Variants in SLC41A3 observed in about 807,000 individuals in gnomAD.
SLC41A3 encodes the protein solute carrier family 41 member 3.
In SLC41A3, 44 loss-of-function variants were observed where a neutral mutation model predicts 45.4. That is an observed-to-expected ratio of 0.97 (90% CI 0.76 to 1.25). SLC41A3 has a LOEUF of 1.25. SLC41A3 is among the 50% of genes most tolerant of loss of function. The pLI, the probability that SLC41A3 is intolerant of heterozygous loss-of-function variation, is 0.00. For synonymous variants in SLC41A3, 256 were observed against 252.4 expected (o/e 1.01, Z -0.13); for missense variants, 550 against 600.6 (o/e 0.92, Z 0.88).
At chr3:126,034,545 C>A (rs1203338029) in intron 3 of SLC41A3, among the ~76,000 whole-genome samples, 1 of 152,250 alleles carries the variant, frequency 6.6e-6, no homozygotes, top group African/African-American at 2.4e-5. Context: ...CGGCACCTGA[C>A]TGTGGTTAGG....
intron 2 of SLC41A3, chr3:126,056,228 G>T: frequency 8.4e-7 from 1 of 1,196,856 alleles, no homozygotes; most frequent in Non-Finnish European, 1.2e-6. Flanking sequence ...CGCCCAAGCA[G>T]CAAGGGCAGG....
chr3:126,006,373 C>G lies in SLC41A3; in HGVS notation c.*643G>C. 6.3e-7 allele frequency: 1 copy of G among 1,588,028 alleles called. No individual in the cohort carries two copies. Among genetic ancestry groups the G allele is most frequent in the South Asian group, 1.1e-5 (1 of 88,204 alleles). On this transcript the variant is annotated 3_prime_UTR_variant, in exon 11 of 11. Coordinates refer to ENST00000360370, the MANE Select transcript of SLC41A3 (RefSeq NM_017836.4). ...CATAAAGGGTCAAGTACAATATAAT[C>G]TGTTTTATTTTACACTTCTCTGATT... is the stretch of plus-strand genomic sequence containing the variant.
intron 6 of SLC41A3, among the ~76,000 whole-genome samples, chr3:126,021,477 AG>A (rs1316290746): frequency 6.6e-6 from 1 of 152,158 alleles, no homozygotes; most frequent in Non-Finnish European, 1.5e-5. Context: ...TGCTAATTCC[AG>A]GTGTCTTCTG....
chr3:126,057,708 C>T (rs1011275880), intron 2 of SLC41A3, among the ~76,000 whole-genome samples: 2 of 152,250 alleles, frequency 1.3e-5, no homozygotes, highest in Non-Finnish European at 2.9e-5. Context: ...TCCCTGCAAC[C>T]GAACTCCAGA....
chr3:126,078,582 A>C (rs765492655), intron 1 of SLC41A3, among the ~76,000 whole-genome samples: 28 of 152,238 alleles, frequency 1.8e-4, no homozygotes, highest in Admixed American at 6.5e-5. Flanking sequence ...AATCTTTTCA[A>C]AAAATAACAG....
chr3:126,064,380 CTT>C (rs1430633845), intron 2 of SLC41A3, among the ~76,000 whole-genome samples: 6 of 152,050 alleles, frequency 3.9e-5, no homozygotes, highest in African/African-American at 1.4e-4. Context: ...TTCCCACTCT[CTT>C]GTTATGACAA....
chr3:126,012,980 T>A (rs1939876408), intron 8 of SLC41A3, among the ~76,000 whole-genome samples: 1 of 152,098 alleles, frequency 6.6e-6, no homozygotes. Flanking sequence ...ACTGCTGGCA[T>A]CTCTTAAGGT....
intron 1 of SLC41A3, among the ~76,000 whole-genome samples, chr3:126,089,701 T>C (rs1264535276): frequency 6.6e-6 from 1 of 152,224 alleles, no homozygotes; most frequent in Non-Finnish European, 1.5e-5. Context: ...AACTAGAGAA[T>C]TTCCAGTTGA....
intron 1 of SLC41A3, among the ~76,000 whole-genome samples, chr3:126,076,088 G>T (rs1944868226): frequency 1.3e-5 from 2 of 152,112 alleles, no homozygotes; most frequent in African/African-American, 4.8e-5. Context: ...ATCTAATGAG[G>T]GTTTAGTATC....
intron 3 of SLC41A3, among the ~76,000 whole-genome samples, chr3:126,040,134 T>C (rs1942487999): frequency 6.6e-6 from 1 of 152,236 alleles, no homozygotes; most frequent in Non-Finnish European, 1.5e-5. Context: ...GCTAGAACCA[T>C]TTCAGCAACA....
At chr3:126,081,956 G>A (rs1432368884) in intron 1 of SLC41A3, among the ~76,000 whole-genome samples, 4 of 152,260 alleles carry the variant, frequency 2.6e-5, no homozygotes, top group Non-Finnish European at 5.9e-5. Flanking sequence ...GCTGTACCTA[G>A]AGAGCCCCAG....
intron 9 of SLC41A3, among the ~76,000 whole-genome samples, chr3:126,009,397 T>C (rs1259865385): frequency 6.6e-6 from 1 of 152,160 alleles, no homozygotes; most frequent in African/African-American, 2.4e-5. Flanking sequence ...CCCTTCTTCA[T>C]AGCAGCCTCT....
chr3:126,048,355 T>C (rs77184458), intron 3 of SLC41A3, among the ~76,000 whole-genome samples: 8,564 of 152,310 alleles, frequency 0.056, 267 homozygotes, highest in Non-Finnish European at 0.068. Context: ...AGGGAATCTC[T>C]TTTTAAATTA....
chr3:126,051,087 CACATCAGCA>C (rs1408241323), intron 2 of SLC41A3, 37 bp from the exon 3 acceptor site: 1 of 1,529,890 alleles, frequency 6.5e-7, no homozygotes, highest in African/African-American at 1.4e-5. Context: ...GCCAAACACA[CACATCAGCA>C]AATCTCTGGA....
At chr3:126,009,366 C>T (rs1278129240) in intron 9 of SLC41A3, among the ~76,000 whole-genome samples, 1 of 152,148 alleles carries the variant, frequency 6.6e-6, no homozygotes, top group African/African-American at 2.4e-5. Context: ...GCAGTCGGCT[C>T]AAAAGGGGAC....
At chr3:126,053,778 G>A (rs1576317594) in intron 2 of SLC41A3, among the ~76,000 whole-genome samples, 1 of 151,906 alleles carries the variant, frequency 6.6e-6, no homozygotes, top group African/African-American at 2.4e-5. Flanking sequence ...TCCAACTCTG[G>A]CTGAACTTTG....
intron 2 of SLC41A3, among the ~76,000 whole-genome samples, chr3:126,060,456 A>ACACACACACACACACACC: frequency 6.6e-6 from 1 of 152,120 alleles, no homozygotes; most frequent in Non-Finnish European, 1.5e-5. Context: ...ACACACACAC[A>ACACACACACACACACACC]CACACGTGCA....
At chr3:126,083,939 C>G (rs59713080) in intron 1 of SLC41A3, 154 bp downstream of exon 1, 32,349 of 145,980 alleles carry the variant, frequency 0.22, 3,879 homozygotes, top group Middle Eastern at 0.33. Context: ...CTGACTCCCC[C>G]TCCCGCCGAG....
chr3:126,051,990 C>T (rs182167295), intron 2 of SLC41A3, among the ~76,000 whole-genome samples: 8 of 152,280 alleles, frequency 5.3e-5, no homozygotes, highest in Admixed American at 4.6e-4. Flanking sequence ...CAGCAACAGG[C>T]TTGACCAGGC....
Sources: allele counts gnomAD v4.1 joint callset (sites outside exome capture counted in the v4.1 genomes callset), GRCh38; gene constraint gnomAD v4.1.1; transcripts MANE v1.5; gene names NCBI Gene and HGNC (gene_info 2026-07-23, HGNC 2026-07-21).